The following WFDC1 variants were observed in gnomAD, a reference collection of about 807,000 sequenced individuals.
The protein encoded by WFDC1 is WAP four-disulfide core domain protein 1.
In WFDC1, 39 loss-of-function variants were observed where a neutral mutation model predicts 32.9. The observed-to-expected ratio is 1.19, with a 90% CI of 0.92 to 1.55. WFDC1 has a LOEUF of 1.55. Among genes scored for constraint, WFDC1 ranks in the 40% most tolerant of loss-of-function variants. The pLI is 0.00. For missense variants in WFDC1, 386 were observed against 309.5 expected (o/e 1.25, Z -1.85); for synonymous variants, 184 against 137.4 (o/e 1.34, Z -2.37).
intron 4 of WFDC1, among the ~76,000 whole-genome samples, chr16:84,320,649 G>T (rs528747642): frequency 1.4e-4 from 21 of 152,240 alleles, no homozygotes; most frequent in African/African-American, 5.1e-4. Context: ...TGGATGAACT[G>T]TGTGGTGAGC....
In WFDC1 at chr16:84,302,526, G is replaced by A. The variant is rs146018801; in HGVS notation, c.144+7411G>A. 2.8e-3 allele frequency among the ~76,000 whole-genome samples: 432 copies of A among 151,986 alleles called. 1 individual carries two copies. The highest frequency in any genetic ancestry group is 9.9e-3 in the African/African-American group (411 of 41,458). Reference sequence around the variant, plus strand: ...GTGTCCGCTCACGGTGCCCACTCCGGCTCGTGGGTCATCGTAGCTTCACGC... The same window carrying A: ...GTGTCCGCTCACGGTGCCCACTCCGACTCGTGGGTCATCGTAGCTTCACGC... On this transcript the variant is annotated intron_variant, in intron 1 of 6. Transcript: ENST00000219454.
chr16:84,315,065 T>C lies in WFDC1; in HGVS notation c.337+1912T>C, dbSNP rs1567659266. Reference sequence around the variant, plus strand: ...AGGCAGACCTGCAGTTTCCATCCAGTTGTCTGACTGTAGAGAAGTGTTCAT... The same window carrying C: ...AGGCAGACCTGCAGTTTCCATCCAGCTGTCTGACTGTAGAGAAGTGTTCAT... On this transcript the variant is annotated intron_variant, in intron 2 of 6. Coordinates refer to ENST00000219454, the MANE Select transcript of WFDC1 (RefSeq NM_021197.4). Among the ~76,000 whole-genome samples the C allele has an allele frequency of 2.0e-5, 3 of 152,244 alleles. No homozygotes were observed. In the East Asian group the frequency reaches 5.8e-4, roughly 29 times the overall value.
Position 84,313,048 on chromosome 16 carries a change from TGCCAGGCC to T in WFDC1, c.235_242del (p.Gln79AlafsTer55). Reference sequence around the variant, plus strand: ...TCCGCGGACGCTGCCCCCCGGCGCCTGCCAGGCCGCGCGCTGTCAGGCGGACTCCGAGT... The same window carrying T: ...TCCGCGGACGCTGCCCCCCGGCGCCTGCGCGCTGTCAGGCGGACTCCGAGT... On this transcript the variant is annotated frameshift_variant, in exon 2 of 7. Transcript: ENST00000219454. LOFTEE classifies it high-confidence loss of function. 2 of 1,379,892 alleles carry T rather than the reference TGCCAGGCC, an allele frequency of 1.4e-6. No individual in the cohort carries two copies. The highest frequency in any genetic ancestry group is 3.2e-5 in the South Asian group (2 of 61,648). 85.5% of individuals were successfully genotyped at this position (1,379,892 alleles called of 1,614,324 possible).
chr16:84,322,152 TGTGTGTGC>T (rs1555546124), intron 4 of WFDC1, among the ~76,000 whole-genome samples: 2 of 94,620 alleles, frequency 2.1e-5, no homozygotes, highest in African/African-American at 4.5e-5. Context: ...AGCCTGTGTG[TGTGTGTGC>T]GTGTGTGTGT....
In WFDC1 at chr16:84,318,071, C is replaced by T; in HGVS notation, c.338-201C>T. 3 of 555,724 alleles carry T rather than the reference C, an allele frequency of 5.4e-6. No homozygotes were observed. The South Asian group carries it at 5.9e-5, about 11-fold the overall frequency. The allele number at this position is 555,724 out of a possible 1,614,324, so 34.4% of individuals were successfully genotyped here. On this transcript the variant is annotated intron_variant, in intron 2 of 6. Coordinates refer to ENST00000219454, the MANE Select transcript of WFDC1 (RefSeq NM_021197.4). ...CAAGGGAGGCAGGGAAGGCTAGTCC[C>T]CAGCTTTGTGGCCCAGTGCCCAGCC... is the stretch of plus-strand genomic sequence containing the variant.
intron 1 of WFDC1, among the ~76,000 whole-genome samples, chr16:84,307,872 G>A (rs192833708): frequency 4.6e-5 from 7 of 152,216 alleles, no homozygotes; most frequent in South Asian, 4.2e-4. Context: ...CACCTGCTGC[G>A]GCTGGAAAGT....
Position 84,296,601 on chromosome 16 carries a change from C to G in WFDC1, c.144+1486C>G, listed in dbSNP as rs574997394. Among the ~76,000 whole-genome samples the G allele has an allele frequency of 2.0e-5, 3 of 152,290 alleles. 1 individual carries two copies. In the South Asian group the frequency reaches 6.2e-4, roughly 32 times the overall value. ...TGCCTGAAACTGTATTGAGACAAAT[C>G]TGGGCCTCCAGGGCTCATATTCTCC... On this transcript the variant is annotated intron_variant, in intron 1 of 6. Coordinates refer to ENST00000219454, the MANE Select transcript of WFDC1 (RefSeq NM_021197.4).
chr16:84,310,055 G>A (rs886197677), intron 1 of WFDC1, among the ~76,000 whole-genome samples: 1 of 152,094 alleles, frequency 6.6e-6, no homozygotes, highest in African/African-American at 2.4e-5. Flanking sequence ...TGTCTTTGGG[G>A]ACCTTTATTC....
chr16:84,319,522 C>T lies in WFDC1; in HGVS notation c.513C>T (p.Ala171=), dbSNP rs369999724. 4.3e-5 allele frequency: 70 copies of T among 1,612,904 alleles called. No individual in the cohort carries two copies. The highest frequency in any genetic ancestry group is 2.7e-4 in the Admixed American group (16 of 59,994). ...ACATCCTGAGCCCAGGTGACGTGGC[C>T]GAAGGTATCCCCAACCGTGGGCAGT... ...ECHILSPGDV[A]EGIPNRGQCV... is the part of the protein sequence containing the mutation. Residue 171 remains alanine (A), a synonymous_variant, in exon 4 of 7, where the codon GCC becomes GCT. Coordinates refer to ENST00000219454, the MANE Select transcript of WFDC1 (RefSeq NM_021197.4).
chr16:84,304,519 C>A (rs1355515043), intron 1 of WFDC1, among the ~76,000 whole-genome samples: 1 of 152,036 alleles, frequency 6.6e-6, no homozygotes, highest in African/African-American at 2.4e-5. Context: ...TGAGCCACCG[C>A]GCCCGGCCAG....
At chr16:84,298,951 A>G (rs1429172843) in intron 1 of WFDC1, among the ~76,000 whole-genome samples, 1 of 152,168 alleles carries the variant, frequency 6.6e-6, no homozygotes, top group East Asian at 1.9e-4. Context: ...AGCACGGGAC[A>G]CAGTAGTGCC....
At chr16:84,310,364 G>A (rs1907538685) in intron 1 of WFDC1, among the ~76,000 whole-genome samples, 2 of 152,144 alleles carry the variant, frequency 1.3e-5, no homozygotes, top group African/African-American at 2.4e-5. Flanking sequence ...AAGGCCTGGA[G>A]GTGACGGCGC....
At chr16:84,303,891 G>T (rs1907092772) in intron 1 of WFDC1, among the ~76,000 whole-genome samples, 1 of 152,196 alleles carries the variant, frequency 6.6e-6, no homozygotes, top group Non-Finnish European at 1.5e-5. Context: ...TCTGCCTGTT[G>T]TAGACGTTTC....
intron 1 of WFDC1, among the ~76,000 whole-genome samples, chr16:84,296,366 C>A (rs1477695654): frequency 1.3e-5 from 2 of 152,154 alleles, no homozygotes; most frequent in East Asian, 3.9e-4. Flanking sequence ...CTGGTGCCTG[C>A]CATTAAGTTG....
chr16:84,296,443 C>T (rs1412252513), intron 1 of WFDC1, among the ~76,000 whole-genome samples: 1 of 152,142 alleles, frequency 6.6e-6, no homozygotes, highest in East Asian at 1.9e-4. Context: ...GCGTGTGCAG[C>T]TCTTCCCCAG....
chr16:84,312,888 C>A, intron 1 of WFDC1, 73 bp from the exon 2 acceptor site: 1 of 977,996 alleles, frequency 1.0e-6, no homozygotes, highest in Non-Finnish European at 1.3e-6. Context: ...CTGCCCACCC[C>A]CTTGCAAGCT....
Position 84,313,035 on chromosome 16 carries a change from GC to G in WFDC1, c.225del (p.Gly76AlafsTer30). 22 of 1,351,598 alleles carry G rather than the reference GC, an allele frequency of 1.6e-5. No individual in the cohort carries two copies. The highest frequency in any genetic ancestry group is 1.1e-4 in the South Asian group (6 of 56,406). 83.7% of individuals were successfully genotyped at this position (1,351,598 alleles called of 1,614,324 possible). ...DRCPPPPRTL[P>X]PGACQAARCQ... ...GCTGCCCGCCGCCTCCGCGGACGCT[GC>G]CCCCCGGCGCCTGCCAGGCCGCGCG... is the stretch of plus-strand genomic sequence containing the variant. On this transcript the variant is annotated frameshift_variant, in exon 2 of 7. Coordinates refer to ENST00000219454, the MANE Select transcript of WFDC1 (RefSeq NM_021197.4). LOFTEE classifies it high-confidence loss of function.
At chr16:84,301,433 T>C (rs1311665461) in intron 1 of WFDC1, among the ~76,000 whole-genome samples, 1 of 152,208 alleles carries the variant, frequency 6.6e-6, no homozygotes, top group Non-Finnish European at 1.5e-5. Context: ...CAAGTGGGGC[T>C]ATCACTATAT....
intron 5 of WFDC1, chr16:84,325,913 T>C (rs1232300417): frequency 6.6e-6 from 1 of 151,476 alleles, no homozygotes; most frequent in Non-Finnish European, 1.5e-5. Context: ...CATTCATTCA[T>C]CTATCTCTTC....
Sources: gnomAD v4.1 joint callset for allele counts (sites outside exome capture counted in the v4.1 genomes callset) on GRCh38, gnomAD v4.1.1 for gene constraint, MANE v1.5 for transcripts, NCBI Gene and HGNC (gene_info 2026-07-23, HGNC 2026-07-21) for gene names.